GPANK1: variants seen among roughly 807,000 people sequenced by gnomAD.
GPANK1 encodes the protein G-patch domain and ankyrin repeats 1.
Under a neutral mutation model 24.0 loss-of-function variants are expected in GPANK1, and 22 were observed. The observed-to-expected ratio is 0.92, with a 90% CI of 0.66 to 1.31. The LOEUF (loss-of-function observed/expected upper bound fraction) is 1.31. Among genes scored for constraint, GPANK1 ranks in the 50% most tolerant of loss-of-function variants. The probability of loss-of-function intolerance (pLI) is 0.00; values close to 1 mark genes in which losing one functional copy is unlikely to be tolerated. For synonymous variants in GPANK1, 174 were observed against 177.4 expected (o/e 0.98, Z 0.15); for missense variants, 469 against 453.5 (o/e 1.03, Z -0.31).
chr6:31,664,524 G>A lies in GPANK1; in HGVS notation c.-46C>T, dbSNP rs1271770806. On this transcript the variant is annotated 5_prime_UTR_variant, in exon 2 of 3. Transcript: ENST00000375896. ...AAATGATACCAGGCAAGGGAAGGAT[G>A]AGACAAGTAAGCCAAGCTCGTGGTG... 1 of 1,498,050 alleles carries A rather than the reference G, an allele frequency of 6.7e-7. No individual in the cohort carries two copies. Among genetic ancestry groups the A allele is most frequent in the African/African-American group, 1.4e-5 (1 of 72,114 alleles). 92.8% of individuals were successfully genotyped at this position (1,498,050 alleles called of 1,614,324 possible). A position where few individuals can be genotyped will look rare whatever the true frequency, so the allele number is the denominator to read the frequency against.
At chr6:31,665,603 G>C, upstream of GPANK1, 1 of 1,124,394 alleles carries the variant, frequency 8.9e-7, no homozygotes, top group Non-Finnish European at 1.3e-6. Flanking sequence ...GAGCCCGGAG[G>C]AAACAGTATG....
chr6:31,666,152 G>A, upstream of GPANK1: 1 of 990,628 alleles, frequency 1.0e-6, no homozygotes, highest in Non-Finnish European at 1.2e-6. Context: ...GGTCGCCGCC[G>A]TTCCCTGGAA....
chr6:31,661,782 T>C lies in GPANK1; in HGVS notation c.*484A>G. 1 of 162,318 alleles carries C rather than the reference T, an allele frequency of 6.2e-6. No homozygotes were observed. Among genetic ancestry groups the C allele is most frequent in the Non-Finnish European group, 1.3e-5 (1 of 74,372 alleles). 10.1% of individuals were successfully genotyped at this position (162,318 alleles called of 1,614,324 possible). On this transcript the variant is annotated 3_prime_UTR_variant, in exon 3 of 3. Transcript: ENST00000375896. The stretch of plus-strand genomic sequence containing the variant: ...TTTGAGGGTTGGGAATGTCTTTACC[T>C]GTATTCTTGGCACATAGTATATGGA...
Position 31,662,545 on chromosome 6 carries a change from C to G in GPANK1, c.792G>C (p.Leu264=). Residue 264 remains leucine (L), a synonymous_variant, in exon 3 of 3, where the codon CTG becomes CTC. Coordinates refer to ENST00000375896, the MANE Select transcript of GPANK1 (RefSeq NM_033177.4). The surrounding 1 kb of genome is among the most constrained non-coding windows in gnomAD (Gnocchi z 5.5). The part of the protein sequence containing the change: ...PISSPGFKLL[L]RGGWEPGMGL... ...CCATTCCTGGCTCCCAGCCCCCCCT[C>G]AGCAGCAGTTTGAAGCCCGGGCTGG... is the stretch of plus-strand genomic sequence containing the variant. 1 of 1,613,040 alleles carries G rather than the reference C, an allele frequency of 6.2e-7. No individual in the cohort carries two copies. The highest frequency in any genetic ancestry group is 8.5e-7 in the Non-Finnish European group (1 of 1,179,996).
intron 2 of GPANK1, 137 bp downstream of exon 2, chr6:31,663,716 T>C (rs908538612): frequency 1.8e-5 from 24 of 1,318,448 alleles, no homozygotes; most frequent in Non-Finnish European, 2.4e-5. Context: ...TATAACCACT[T>C]GACTATACTA....
chr6:31,663,871 GTCTC>G lies in GPANK1; in HGVS notation c.604_607del (p.Glu202GlnfsTer62). On this transcript the variant is annotated frameshift_variant, in exon 2 of 3. Transcript: ENST00000375896. LOFTEE classifies it high-confidence loss of function. ...CCCTTACCGGTTTTCCGGGCTCCTT[GTCTC>G]TCCATGGCTCTCCCTGACCATGCGG... 6.4e-7 allele frequency: 1 copy of G among 1,561,782 alleles called. No homozygotes were observed. The highest frequency in any genetic ancestry group is 8.7e-7 in the Non-Finnish European group (1 of 1,154,948).
chr6:31,665,271 C>T, upstream of GPANK1: 1 of 645,978 alleles, frequency 1.5e-6, no homozygotes, highest in South Asian at 1.8e-5. Flanking sequence ...AACGTGGCCC[C>T]CGCTCCAAGC....
chr6:31,665,732 A>C (rs1801592722), upstream of GPANK1: 1 of 871,092 alleles, frequency 1.1e-6, no homozygotes, highest in Admixed American at 2.9e-5. Flanking sequence ...CCGGGACTAG[A>C]GGGGAACGTG....
At chr6:31,666,098 C>T (rs1444110965), upstream of GPANK1, 3 of 993,814 alleles carry the variant, frequency 3.0e-6, no homozygotes, top group Non-Finnish European at 3.6e-6. Flanking sequence ...CTCCCCCCAC[C>T]CCACTTCGCC....
At position 31,664,552 on chromosome 6, in the gene GPANK1, C is replaced by T; in HGVS notation, c.-74G>A. ...ACAAGTAAGCCAAGCTCGTGGTGAC[C>T]CTGTAGCAACCACAGCCTCAGAGAC... On this transcript the variant is annotated 5_prime_UTR_variant, in exon 2 of 3. Coordinates refer to ENST00000375896, the MANE Select transcript of GPANK1 (RefSeq NM_033177.4). 1 of 1,174,252 alleles carries T rather than the reference C, an allele frequency of 8.5e-7. No homozygotes were observed. Among genetic ancestry groups the T allele is most frequent in the Non-Finnish European group, 1.2e-6 (1 of 815,920 alleles). The allele number at this position is 1,174,252 out of a possible 1,614,324, so 72.7% of individuals were successfully genotyped here.
At chr6:31,666,023 T>A (rs982017903), upstream of GPANK1, 4 of 997,652 alleles carry the variant, frequency 4.0e-6, no homozygotes, top group Non-Finnish European at 4.8e-6. Context: ...TGTCCCGGCA[T>A]CCACCGCGGC....
At chr6:31,666,246 G>A (rs1583596745), upstream of GPANK1, 8 of 951,256 alleles carry the variant, frequency 8.4e-6, no homozygotes, top group Non-Finnish European at 1.0e-5. Flanking sequence ...GTCCCTTGTC[G>A]CTGGGAGCGG....
upstream of GPANK1, chr6:31,666,092 C>T (rs1801654465): frequency 1.0e-6 from 1 of 993,658 alleles, no homozygotes; most frequent in Non-Finnish European, 1.2e-6. Context: ...TTTCCACTCC[C>T]CCCACCCCAC....
chr6:31,666,102 C>G, upstream of GPANK1: 2 of 993,476 alleles, frequency 2.0e-6, no homozygotes, highest in Non-Finnish European at 2.4e-6. Context: ...CCCCACCCCA[C>G]TTCGCCTGCC....
At position 31,664,958 on chromosome 6, in the gene GPANK1, C is replaced by A. The variant is rs1049936490; in HGVS notation, c.-217G>T. The stretch of plus-strand genomic sequence containing the variant: ...CCTAGAAGATCTCGGGGAGAGTCTC[C>A]TATACGTGTTGCTGTGTAGCTTCCG... On this transcript the variant is annotated 5_prime_UTR_variant, in exon 1 of 3. It adds an upstream start codon to the 5' untranslated region. Coordinates refer to ENST00000375896, the MANE Select transcript of GPANK1 (RefSeq NM_033177.4). 5 of 232,812 alleles carry A rather than the reference C, an allele frequency of 2.1e-5. No homozygotes were observed. The highest frequency in any genetic ancestry group is 1.1e-4 in the African/African-American group (5 of 44,332). The allele number at this position is 232,812 out of a possible 1,614,324, so 14.4% of individuals were successfully genotyped here.
At chr6:31,665,820 A>T, upstream of GPANK1, 1 of 1,255,908 alleles carries the variant, frequency 8.0e-7, no homozygotes, top group Non-Finnish European at 1.0e-6. Flanking sequence ...CAGTGAGCAC[A>T]AAACTGTATT....
chr6:31,665,863 G>C (rs1284823825), upstream of GPANK1: 2 of 1,126,862 alleles, frequency 1.8e-6, no homozygotes, highest in Non-Finnish European at 2.2e-6. Context: ...CGCCATACCT[G>C]GCTTCCGCTT....
intron 1 of GPANK1, 71 bp downstream of exon 1, chr6:31,664,770 C>T (rs1801411142): frequency 9.1e-6 from 4 of 438,944 alleles, no homozygotes; most frequent in South Asian, 4.3e-5. Flanking sequence ...CGTCCGGCCC[C>T]CACCCCCATC....
At position 31,662,433 on chromosome 6, in the gene GPANK1, G is replaced by A. The variant is rs1291680147; in HGVS notation, c.904C>T (p.Pro302Ser). The change falls in exon 3 of 3, where the codon CCC (proline) becomes TCC (serine). Residue 302 changes from proline to serine, a missense_variant. Pro to Ser is a moderately conservative substitution (Grantham distance 74). Transcript: ENST00000375896. The surrounding 1 kb of genome is among the most constrained non-coding windows in gnomAD (Gnocchi z 5.5). ...DQEGLGYRSA[P>S]QPRVTHFPAW... ...GGGAAATGTGTCACTCGGGGCTGGG[G>A]TGCTGATCTGTAGCCTAGTCCTTCC... The A allele has an allele frequency of 1.9e-6, 3 of 1,612,386 alleles. No homozygotes were observed. Among genetic ancestry groups the A allele is most frequent in the East Asian group, 4.5e-5 (2 of 44,880 alleles).
Sources: allele counts gnomAD v4.1 joint callset, GRCh38; gene constraint gnomAD v4.1.1; non-coding constraint Gnocchi (gnomAD v3.1); transcripts MANE v1.5; gene names NCBI Gene and HGNC (gene_info 2026-07-23, HGNC 2026-07-21).